The following USH2A variants were observed in gnomAD, a reference collection of about 807,000 sequenced individuals.
USH2A encodes the protein usherin, also known as Usher syndrome 2A (autosomal recessive, mild).
USH2A carries 443 observed loss-of-function variants against 538.9 expected under a neutral mutation model. The observed-to-expected ratio is 0.82, with a 90% CI of 0.76 to 0.89. USH2A has a LOEUF of 0.89. Among genes scored for constraint, USH2A ranks in the 40% least tolerant of loss-of-function variants. USH2A has a pLI of 0.00. For missense variants in USH2A, 6,633 were observed against 6,324.8 expected, an observed-to-expected ratio of 1.05 and a Z score of -1.65; for synonymous variants, 2,413 against 2,273.5, an observed-to-expected ratio of 1.06 and a Z score of -1.75.
intron 55 of USH2A, among the ~76,000 whole-genome samples, chr1:215,778,082 C>T (rs1406824888): frequency 6.7e-6 from 1 of 148,446 alleles, no homozygotes; most frequent in Non-Finnish European, 1.5e-5. Context: ...GACAGAGTCT[C>T]GTTCTGTTGC....
At chr1:216,003,698 AG>A (rs1361327450) in intron 32 of USH2A, among the ~76,000 whole-genome samples, 1 of 152,096 alleles carries the variant, frequency 6.6e-6, no homozygotes, top group Non-Finnish European at 1.5e-5. Flanking sequence ...AGATTTAATG[AG>A]GGGTCAGTTC....
At chr1:216,352,017 AG>A (rs1266264881) in intron 4 of USH2A, among the ~76,000 whole-genome samples, 1 of 152,174 alleles carries the variant, frequency 6.6e-6, no homozygotes, top group Non-Finnish European at 1.5e-5. Context: ...TTTGAAAAAA[AG>A]TAAGTTTAAT....
At chr1:216,109,553 G>A (rs951621418) in intron 21 of USH2A, among the ~76,000 whole-genome samples, 2 of 152,098 alleles carry the variant, frequency 1.3e-5, no homozygotes, top group African/African-American at 2.4e-5. Context: ...CCATGAAAGC[G>A]AAGTTCTTTC....
rs755653202 is a variant in USH2A, at chr1:215,634,664, C to T, written c.15092G>A (p.Arg5031Gln). 1.7e-5 allele frequency: 27 copies of T among 1,614,116 alleles called. No homozygotes were observed. Among genetic ancestry groups the T allele is most frequent in the South Asian group, 8.8e-5 (8 of 91,088 alleles). ...GCTGTAGAACTCTGTGCTTTTGCTC[C>T]GCGATCCCTTCTTTTTCCCAGGAGT... Reference protein sequence around the residue: ...LTTPGKKKGSRSKSTEFYSEL... With the variant: ...LTTPGKKKGSQSKSTEFYSEL... Residue 5031 changes from arginine (R) to glutamine (Q), a missense_variant, in exon 70 of 72, where the codon CGG (arginine) becomes CAG (glutamine). By Grantham distance (43) the Arg-to-Gln change is conservative (BLOSUM62 1). Coordinates refer to ENST00000307340, the MANE Select transcript of USH2A (RefSeq NM_206933.4).
intron 20 of USH2A, among the ~76,000 whole-genome samples, chr1:216,179,939 T>G (rs973662977): frequency 6.6e-6 from 1 of 152,154 alleles, no homozygotes; most frequent in Non-Finnish European, 1.5e-5. Flanking sequence ...TTTCACTTTT[T>G]AATGTCTAAA....
At chr1:216,051,636 C>T (rs1406769097) in intron 30 of USH2A, among the ~76,000 whole-genome samples, 1 of 152,196 alleles carries the variant, frequency 6.6e-6, no homozygotes, top group African/African-American at 2.4e-5. Context: ...TTCCCTTTAT[C>T]ATCACTTAAC....
chr1:216,056,815 A>G (rs1050723266), intron 30 of USH2A, among the ~76,000 whole-genome samples: 2 of 151,516 alleles, frequency 1.3e-5, no homozygotes, highest in South Asian at 2.1e-4. Context: ...AGAGAGAGAG[A>G]TTGGGTTCAA....
chr1:215,839,133 G>T (rs1264709154), intron 46 of USH2A, among the ~76,000 whole-genome samples: 1 of 152,000 alleles, frequency 6.6e-6, no homozygotes, highest in African/African-American at 2.4e-5. Context: ...AGTCTTTTGA[G>T]GTATTAATAG....
intron 29 of USH2A, among the ~76,000 whole-genome samples, chr1:216,070,753 C>T (rs2031532998): frequency 6.7e-6 from 1 of 150,096 alleles, no homozygotes; most frequent in Middle Eastern, 3.2e-3. Context: ...TACTTGAATG[C>T]CTAGACCCAT....
chr1:216,133,596 G>T lies in USH2A; in HGVS notation c.4628-36383C>A, dbSNP rs2033422680. On this transcript the variant is annotated intron_variant, in intron 21 of 71. Coordinates refer to ENST00000307340, the MANE Select transcript of USH2A (RefSeq NM_206933.4). Reference sequence around the variant, plus strand: ...CTCAGCTGAGGAATTAGAAGCTGAGGGAAGAGAAAGCATTTAGCTCCGACA... The same window carrying T: ...CTCAGCTGAGGAATTAGAAGCTGAGTGAAGAGAAAGCATTTAGCTCCGACA... Among the ~76,000 whole-genome samples the T allele has an allele frequency of 3.3e-5, 5 of 152,014 alleles. No homozygotes were observed. In the South Asian group the frequency reaches 1.0e-3, roughly 31 times the overall value.
intron 44 of USH2A, among the ~76,000 whole-genome samples, chr1:215,852,116 G>T (rs557593485): frequency 4.3e-4 from 66 of 152,270 alleles, no homozygotes; most frequent in Middle Eastern, 6.8e-3. Flanking sequence ...GTATTAGTCT[G>T]TTCTCATGCT....
In USH2A at chr1:215,675,211, T is replaced by C. The variant is rs577938494; in HGVS notation, c.12700A>G (p.Thr4234Ala). 3.1e-6 allele frequency: 5 copies of C among 1,613,958 alleles called. No individual in the cohort carries two copies. The South Asian group carries it at 5.5e-5, about 18-fold the overall frequency. ...MYNDTGLQPW[T>A]QCEYKIYTWN... is the part of the protein sequence containing the mutation. ...GTGTAGATTTTATATTCACACTGCGTCCATGGTTGCAAACCTGTGTCATTA... is the reference window on the plus strand; with the variant it reads ...GTGTAGATTTTATATTCACACTGCGCCCATGGTTGCAAACCTGTGTCATTA... The change falls in exon 63 of 72, where the codon ACG becomes GCG. Residue 4234 changes from threonine (T) to alanine (A), a missense_variant. Physicochemically the swap from Thr to Ala is moderately conservative, Grantham distance 58. Coordinates refer to ENST00000307340, the MANE Select transcript of USH2A (RefSeq NM_206933.4).
intron 40 of USH2A, among the ~76,000 whole-genome samples, chr1:215,897,017 A>G (rs1450465578): frequency 1.3e-5 from 2 of 152,218 alleles, no homozygotes; most frequent in African/African-American, 4.8e-5. Flanking sequence ...TTAAAAATGC[A>G]TGGAACTGGA....
intron 30 of USH2A, among the ~76,000 whole-genome samples, chr1:216,050,325 G>T (rs1416827239): frequency 6.6e-6 from 1 of 152,110 alleles, no homozygotes; most frequent in Non-Finnish European, 1.5e-5. Context: ...TCTGTAAACA[G>T]ATAATAATAA....
intron 64 of USH2A, among the ~76,000 whole-genome samples, chr1:215,668,106 A>G (rs566660589): frequency 7.6e-4 from 116 of 152,354 alleles, no homozygotes; most frequent in Admixed American, 1.9e-3. Context: ...ACTCCTCTGC[A>G]GAAGGGTGAA....
intron 3 of USH2A, among the ~76,000 whole-genome samples, chr1:216,401,159 T>C (rs572779572): frequency 2.8e-4 from 42 of 152,038 alleles, no homozygotes; most frequent in Non-Finnish European, 5.3e-4. Flanking sequence ...ACTGAAAAGG[T>C]AGAATGAGTA....
intron 26 of USH2A, among the ~76,000 whole-genome samples, chr1:216,078,898 A>G (rs1241318388): frequency 6.6e-6 from 1 of 152,136 alleles, no homozygotes; most frequent in African/African-American, 2.4e-5. Context: ...TTTCGGTTTT[A>G]TTCTAAATCT....
chr1:215,998,107 G>T (rs1668179829), intron 34 of USH2A, among the ~76,000 whole-genome samples: 1 of 151,966 alleles, frequency 6.6e-6, no homozygotes, highest in Non-Finnish European at 1.5e-5. Flanking sequence ...ATTTTCTATG[G>T]CATTTATCAA....
chr1:216,157,650 A>G (rs1455608900), intron 21 of USH2A, among the ~76,000 whole-genome samples: 2 of 152,168 alleles, frequency 1.3e-5, no homozygotes, highest in Non-Finnish European at 2.9e-5. Flanking sequence ...AAAGAACAAA[A>G]TCATTTCCTT....
Sources: gnomAD v4.1 joint callset for allele counts (sites outside exome capture counted in the v4.1 genomes callset) on GRCh38, gnomAD v4.1.1 for gene constraint, MANE v1.5 for transcripts, NCBI Gene and HGNC (gene_info 2026-07-23, HGNC 2026-07-21) for gene names.